The following LRRC4C variants were observed in gnomAD, a reference collection of about 807,000 sequenced individuals.
The protein encoded by LRRC4C is leucine rich repeat containing 4C, also known as leucine-rich repeat-containing protein 4C.
Under a neutral mutation model 33.6 loss-of-function variants are expected in LRRC4C, and 5 were observed. The observed-to-expected ratio is 0.15, with a 90% CI of 0.08 to 0.31. The LOEUF (loss-of-function observed/expected upper bound fraction) is 0.31. LRRC4C is among the 10% of genes least tolerant of loss of function. LRRC4C has a pLI of 1.00. For missense variants in LRRC4C, 560 were observed against 796.7 expected (o/e 0.70, Z 3.58); for synonymous variants, 329 against 302.0 (o/e 1.09, Z -0.93).
chr11:41,202,133 G>C (rs975328543), intron 1 of LRRC4C, among the ~76,000 whole-genome samples: 1 of 152,144 alleles, frequency 6.6e-6, no homozygotes, highest in Non-Finnish European at 1.5e-5. Flanking sequence ...ACAATGTCCA[G>C]TTCTTTATTT....
At chr11:41,380,708 G>A (rs977710637) in intron 1 of LRRC4C, among the ~76,000 whole-genome samples, 2 of 152,060 alleles carry the variant, frequency 1.3e-5, no homozygotes, top group Non-Finnish European at 2.9e-5. Context: ...TATTTGGAAG[G>A]AATTTGCCAA....
At chr11:40,171,272 C>G (rs984936015) in intron 5 of LRRC4C, among the ~76,000 whole-genome samples, 4 of 152,150 alleles carry the variant, frequency 2.6e-5, no homozygotes, top group African/African-American at 7.2e-5. Flanking sequence ...TTTGTTCTTT[C>G]TGCATGTGGT....
chr11:40,543,319 A>G (rs894769600), intron 3 of LRRC4C, among the ~76,000 whole-genome samples: 6 of 152,148 alleles, frequency 3.9e-5, no homozygotes, highest in Non-Finnish European at 7.4e-5. Context: ...AGGCCAAAGT[A>G]GACAATTTGC....
chr11:41,348,867 C>A (rs1246095818), intron 1 of LRRC4C, among the ~76,000 whole-genome samples: 1 of 152,178 alleles, frequency 6.6e-6, no homozygotes, highest in Admixed American at 6.5e-5. Context: ...TACATCTGAG[C>A]TAGCAGGGAG....
intron 2 of LRRC4C, among the ~76,000 whole-genome samples, chr11:40,674,991 C>T (rs1467767562): frequency 2.0e-5 from 3 of 152,196 alleles, no homozygotes; most frequent in Non-Finnish European, 4.4e-5. Context: ...TAACCTGGGT[C>T]ACTGAAGTAC....
chr11:40,795,254 C>T (rs181084257), intron 2 of LRRC4C, among the ~76,000 whole-genome samples: 186 of 152,264 alleles, frequency 1.2e-3, no homozygotes, highest in Non-Finnish European at 2.0e-3. Flanking sequence ...AAAGACTGGG[C>T]GCGGTGGCTC....
At chr11:41,281,082 T>TCTCTCTCTCTCTCTCTGTC (rs1949659235) in intron 1 of LRRC4C, among the ~76,000 whole-genome samples, 1 of 90,858 alleles carries the variant, frequency 1.1e-5, no homozygotes. Context: ...CTCTGTCCTC[T>TCTCTCTCTCTCTCTCTGTC]CTCTCTCTCT....
chr11:40,945,128 CAT>C (rs1343177558), intron 1 of LRRC4C, among the ~76,000 whole-genome samples: 1 of 150,354 alleles, frequency 6.7e-6, no homozygotes, highest in African/African-American at 2.5e-5. Flanking sequence ...CCCGGGTTCA[CAT>C]GCCATTCTCC....
chr11:40,762,323 G>A (rs1165027400), intron 2 of LRRC4C, among the ~76,000 whole-genome samples: 1 of 152,096 alleles, frequency 6.6e-6, no homozygotes, highest in Non-Finnish European at 1.5e-5. Context: ...TAGCAAATGT[G>A]GGTCATTCCT....
chr11:41,274,790 G>C (rs993715565), intron 1 of LRRC4C, among the ~76,000 whole-genome samples: 1 of 152,092 alleles, frequency 6.6e-6, no homozygotes, highest in Non-Finnish European at 1.5e-5. Flanking sequence ...TTTAAGAGCT[G>C]TAACAGTCAC....
intron 2 of LRRC4C, among the ~76,000 whole-genome samples, chr11:40,734,402 C>T (rs1238789567): frequency 6.6e-6 from 1 of 152,114 alleles, no homozygotes; most frequent in Non-Finnish European, 1.5e-5. Context: ...TCCTGCTCAC[C>T]TTCCCTAACC....
chr11:40,150,951 G>GC (rs1452707747), intron 5 of LRRC4C, among the ~76,000 whole-genome samples: 1 of 152,066 alleles, frequency 6.6e-6, no homozygotes, highest in Non-Finnish European at 1.5e-5. Context: ...AAAAAAAAAT[G>GC]CCATCTGCCA....
chr11:40,834,204 T>G (rs1952550315), intron 2 of LRRC4C, among the ~76,000 whole-genome samples: 2 of 152,138 alleles, frequency 1.3e-5, no homozygotes, highest in Admixed American at 1.3e-4. Flanking sequence ...CCAGGTGCGG[T>G]GGCTCATGCC....
intron 3 of LRRC4C, among the ~76,000 whole-genome samples, chr11:40,630,333 T>TTCC (rs1555124497): frequency 1.4e-4 from 1 of 7,274 alleles, no homozygotes; most frequent in East Asian, 4.8e-3. Flanking sequence ...CTTCTTCCTC[T>TTCC]TCTTCTTCTT....
intron 3 of LRRC4C, among the ~76,000 whole-genome samples, chr11:40,524,967 A>G (rs1410859343): frequency 6.6e-6 from 1 of 152,208 alleles, no homozygotes. Flanking sequence ...CAAGGAAGGC[A>G]TCCCTCAGGA....
chr11:41,361,238 T>C (rs1952344701), intron 1 of LRRC4C, among the ~76,000 whole-genome samples: 1 of 152,188 alleles, frequency 6.6e-6, no homozygotes, highest in Non-Finnish European at 1.5e-5. Flanking sequence ...ACACTTTGGC[T>C]TTACCTTGTC....
chr11:40,573,939 G>T (rs187120360), intron 3 of LRRC4C, among the ~76,000 whole-genome samples: 8 of 152,118 alleles, frequency 5.3e-5, no homozygotes, highest in Non-Finnish European at 1.2e-4. Flanking sequence ...GCTCAGCAGA[G>T]TGGCTACTGT....
intron 2 of LRRC4C, among the ~76,000 whole-genome samples, chr11:40,749,410 T>C (rs1158262583): frequency 6.9e-6 from 1 of 144,998 alleles, no homozygotes; most frequent in Non-Finnish European, 1.5e-5. Flanking sequence ...TAAAAAAGAA[T>C]TGAAACAAAT....
intron 3 of LRRC4C, among the ~76,000 whole-genome samples, chr11:40,633,371 T>TTCTTTCTTTCTTTCTTTCGCTCTCTCTC (rs745929705): frequency 1.0e-5 from 1 of 96,308 alleles, no homozygotes; most frequent in Non-Finnish European, 2.2e-5. Flanking sequence ...CTTTCTTTCT[T>TTCTTTCTTTCTTTCTTTCGCTCTCTCTC]TCTCTCTCTT....
Sources: allele counts gnomAD v4.1 joint callset (sites outside exome capture counted in the v4.1 genomes callset), GRCh38; gene constraint gnomAD v4.1.1; transcripts MANE v1.5; gene names NCBI Gene and HGNC (gene_info 2026-07-23, HGNC 2026-07-21).